The following CSPP1 variants were observed in gnomAD, a reference collection of about 807,000 sequenced individuals.
CSPP1 encodes the protein centrosome and spindle pole-associated protein 1.
In CSPP1, 126 loss-of-function variants were observed where a neutral mutation model predicts 164.4. That is an observed-to-expected ratio of 0.77 (90% CI 0.66 to 0.89). CSPP1 has a LOEUF of 0.89. CSPP1 is among the 40% of genes least tolerant of loss of function. The pLI is 0.00. For missense variants in CSPP1, 1,395 were observed against 1,449.8 expected (o/e 0.96, Z 0.61); for synonymous variants, 472 against 476.7 (o/e 0.99, Z 0.13).
rs1200375432 is a variant in CSPP1, at chr8:67,064,470, T to TC, written c.-75dup. The TC allele has an allele frequency of 6.2e-7, 1 of 1,613,838 alleles. No homozygotes were observed. Among genetic ancestry groups the TC allele is most frequent in the Non-Finnish European group, 8.5e-7 (1 of 1,179,892 alleles). Reference sequence around the variant, plus strand: ...ACGATCCTCTAGAGCACTGTGTGTCTCCCCGGACGCGAGCCCGCTCCCCTG... The same window carrying TC: ...ACGATCCTCTAGAGCACTGTGTGTCTCCCCCGGACGCGAGCCCGCTCCCCTG... On this transcript the variant is annotated 5_prime_UTR_variant, in exon 1 of 31. An upstream open reading frame in the 5' UTR gains an earlier in-frame stop. Coordinates refer to ENST00000678616, the MANE Select transcript of CSPP1 (RefSeq NM_001382391.1).
intron 28 of CSPP1, among the ~76,000 whole-genome samples, chr8:67,189,032 G>A (rs1057004191): frequency 6.6e-6 from 1 of 152,140 alleles, no homozygotes; most frequent in Non-Finnish European, 1.5e-5. Flanking sequence ...ACAAGGACCC[G>A]CCTGGTAACA....
intron 18 of CSPP1, among the ~76,000 whole-genome samples, chr8:67,150,914 C>G (rs1308360880): frequency 6.6e-6 from 1 of 152,154 alleles, no homozygotes; most frequent in African/African-American, 2.4e-5. Context: ...CAAAATTCTA[C>G]TTTGTGCTTT....
chr8:67,174,496 C>CT (rs1831137449), intron 25 of CSPP1: 2 of 152,172 alleles, frequency 1.3e-5, no homozygotes, highest in South Asian at 4.1e-4. Flanking sequence ...GGCACAGTGG[C>CT]TAATGCCTGT....
At chr8:67,147,836 C>T (rs996145802) in intron 17 of CSPP1, among the ~76,000 whole-genome samples, 4 of 152,126 alleles carry the variant, frequency 2.6e-5, no homozygotes, top group African/African-American at 9.7e-5. Context: ...CATTCTCTTC[C>T]ATGTCATCTC....
chr8:67,101,467 A>T (rs1586091619), intron 7 of CSPP1, among the ~76,000 whole-genome samples: 1 of 152,268 alleles, frequency 6.6e-6, no homozygotes, highest in East Asian at 1.9e-4. Flanking sequence ...GTATAATTAA[A>T]TCTGGTTGCC....
At chr8:67,181,901 T>A (rs938356797) in intron 28 of CSPP1, among the ~76,000 whole-genome samples, 2 of 152,226 alleles carry the variant, frequency 1.3e-5, no homozygotes, top group African/African-American at 4.8e-5. Context: ...CTCTAGGACC[T>A]CATGTAAGTG....
At chr8:67,106,442 C>T (rs1225112231) in intron 9 of CSPP1, among the ~76,000 whole-genome samples, 1 of 151,802 alleles carries the variant, frequency 6.6e-6, no homozygotes, top group East Asian at 1.9e-4. Flanking sequence ...TTCCTTAATT[C>T]TTCTTTCTAG....
chr8:67,154,062 A>G lies in CSPP1; in HGVS notation c.2167A>G (p.Asn723Asp). 2 of 1,607,402 alleles carry G rather than the reference A, an allele frequency of 1.2e-6. No homozygotes were observed. The highest frequency in any genetic ancestry group is 1.7e-6 in the Non-Finnish European group (2 of 1,174,782). The change falls in exon 19 of 31, where the codon AAT becomes GAT. Residue 723 changes from asparagine to aspartate, a missense_variant. Coordinates refer to ENST00000678616, the MANE Select transcript of CSPP1 (RefSeq NM_001382391.1). ...ACAGAGCTCTCCTTTTGCTCGGGGAAATGTATTTGGTGAGCCTCCAACTGA... is the reference window on the plus strand; with the variant it reads ...ACAGAGCTCTCCTTTTGCTCGGGGAGATGTATTTGGTGAGCCTCCAACTGA... ...QTQSSPFARGNVFGEPPTELQ... is the reference protein window; with the variant it reads ...QTQSSPFARGDVFGEPPTELQ...
chr8:67,111,875 T>A, intron 9 of CSPP1, 97 bp from the exon 10 acceptor site: 1 of 637,822 alleles, frequency 1.6e-6, no homozygotes, highest in Non-Finnish European at 2.7e-6. Flanking sequence ...TTAGTAATTA[T>A]ATGATACAAT....
chr8:67,166,457 G>A (rs1286111669), intron 24 of CSPP1, among the ~76,000 whole-genome samples: 3 of 152,128 alleles, frequency 2.0e-5, no homozygotes, highest in Non-Finnish European at 2.9e-5. Context: ...ACTACTTATG[G>A]TTTGTTTAGA....
At chr8:67,123,432 T>A (rs1819386683) in intron 15 of CSPP1, among the ~76,000 whole-genome samples, 2 of 152,138 alleles carry the variant, frequency 1.3e-5, no homozygotes, top group Admixed American at 1.3e-4. Context: ...GTTTGCATGG[T>A]GTATGATTTT....
At chr8:67,182,366 G>A (rs1051758720) in intron 28 of CSPP1, among the ~76,000 whole-genome samples, 1 of 151,606 alleles carries the variant, frequency 6.6e-6, no homozygotes, top group African/African-American at 2.4e-5. Context: ...TGTGTACCAC[G>A]TTTTGTTTAT....
intron 23 of CSPP1, among the ~76,000 whole-genome samples, 198 bp from the exon 24 acceptor site, chr8:67,164,193 T>TA (rs2129562736): frequency 6.6e-6 from 1 of 152,320 alleles, no homozygotes; most frequent in South Asian, 2.1e-4. Context: ...TCCTATATTA[T>TA]AAAAAATGTA....
intron 4 of CSPP1, among the ~76,000 whole-genome samples, chr8:67,091,275 C>T (rs1011449617): frequency 6.6e-6 from 1 of 152,164 alleles, no homozygotes; most frequent in African/African-American, 2.4e-5. Context: ...GCCTCTACTA[C>T]ACTGCATTAC....
intron 7 of CSPP1, among the ~76,000 whole-genome samples, chr8:67,096,558 C>T (rs572032269): frequency 6.7e-6 from 1 of 149,224 alleles, no homozygotes; most frequent in Admixed American, 6.7e-5. Flanking sequence ...AGGTGAGACT[C>T]TGTCTCCAAA....
chr8:67,097,783 CAT>C (rs1364617173), intron 7 of CSPP1, among the ~76,000 whole-genome samples: 1 of 151,746 alleles, frequency 6.6e-6, no homozygotes, highest in Non-Finnish European at 1.5e-5. Flanking sequence ...TGAGAACTCT[CAT>C]ATCTTCTTAT....
At chr8:67,190,377 CAG>C (rs1355379563) in intron 28 of CSPP1, among the ~76,000 whole-genome samples, 1 of 152,116 alleles carries the variant, frequency 6.6e-6, no homozygotes, top group Non-Finnish European at 1.5e-5. Context: ...TCTGTTGAAA[CAG>C]AGCCGTGTTT....
chr8:67,178,297 GAATGATA>G (rs1361822146), intron 27 of CSPP1, among the ~76,000 whole-genome samples: 1 of 152,134 alleles, frequency 6.6e-6, no homozygotes, highest in East Asian at 1.9e-4. Context: ...AGGGAACAGA[GAATGATA>G]ACACCCACCT....
rs370106104 is a variant in CSPP1 at position 67,194,997 on chromosome 8, G to C, written c.3470-385G>C. On this transcript the variant is annotated intron_variant, in intron 30 of 30. Coordinates refer to ENST00000678616, the MANE Select transcript of CSPP1 (RefSeq NM_001382391.1). ...CTTTAAAAAAAATAAAAAGAAAAAA[G>C]AAAGAAATTTTATGTGTAGCCATTA... Among the ~76,000 whole-genome samples the C allele has an allele frequency of 1.0e-3, 154 of 152,144 alleles. 5 individuals are homozygous for C. In the South Asian group the frequency reaches 0.031, roughly 31 times the overall value.
Sources: gnomAD v4.1 joint callset for allele counts (sites outside exome capture counted in the v4.1 genomes callset) on GRCh38, gnomAD v4.1.1 for gene constraint, MANE v1.5 for transcripts, NCBI Gene and HGNC (gene_info 2026-07-23, HGNC 2026-07-21) for gene names.